The following ZNF277 variants were observed in gnomAD, a reference collection of about 807,000 sequenced individuals.
ZNF277 encodes the protein zinc finger protein 277, also known as nuclear receptor-interacting factor 4.
Under a neutral mutation model 60.7 loss-of-function variants are expected in ZNF277, and 55 were observed. The ratio of observed to expected loss-of-function variants is 0.91; its 90% CI spans 0.73 to 1.13. The LOEUF (loss-of-function observed/expected upper bound fraction) is 1.13, where lower values mean the gene tolerates loss of function less well. Ranked by LOEUF, ZNF277 falls within the 50% of genes most tolerant of loss-of-function variation. The probability of loss-of-function intolerance (pLI) is 0.00; values close to 1 mark genes in which losing one functional copy is unlikely to be tolerated. For synonymous variants in ZNF277, 178 were observed against 179.3 expected (o/e 0.99, Z 0.06); for missense variants, 510 against 523.0 (o/e 0.98, Z 0.24).
chr7:112,286,617 A>C (rs1223058309), intron 1 of ZNF277, among the ~76,000 whole-genome samples: 1 of 152,130 alleles, frequency 6.6e-6, no homozygotes, highest in Non-Finnish European at 1.5e-5. Context: ...CTGCCCTGAC[A>C]AATGGGTTTC....
intron 2 of ZNF277, chr7:112,288,765 A>G (rs1327203965): frequency 1.3e-5 from 2 of 154,240 alleles, no homozygotes; most frequent in Middle Eastern, 3.2e-3. Flanking sequence ...TTCTCAGTCA[A>G]AGAGGACAAC....
intron 1 of ZNF277, among the ~76,000 whole-genome samples, chr7:112,210,980 G>A (rs570837780): frequency 1.3e-5 from 2 of 152,296 alleles, no homozygotes; most frequent in African/African-American, 4.8e-5. Flanking sequence ...TGTGACTGAG[G>A]CTATTTCTTC....
At chr7:112,223,122 A>G (rs569406675) in intron 1 of ZNF277, among the ~76,000 whole-genome samples, 1 of 152,278 alleles carries the variant, frequency 6.6e-6, no homozygotes, top group African/African-American at 2.4e-5. Flanking sequence ...TTATATGTAT[A>G]TGTTTCATTA....
In ZNF277 at chr7:112,287,054, G is replaced by C. The variant is rs1792085975; in HGVS notation, c.273G>C (p.Lys91Asn). The change falls in exon 2 of 12, where the codon AAG becomes AAC. Residue 91 changes from lysine to asparagine, a missense_variant. By Grantham distance (94) the Lys-to-Asn change is moderately conservative. Coordinates refer to ENST00000361822, the MANE Select transcript of ZNF277 (RefSeq NM_021994.3). Reference sequence around the variant, plus strand: ...ATAAGATTGTCATAGCTGATGTCAAGTTGGTTGCTGATTTCCAAAGGTAAG... The same window carrying C: ...ATAAGATTGTCATAGCTGATGTCAACTTGGTTGCTGATTTCCAAAGGTAAG... Reference protein sequence around the residue: ...IEHKIVIADVKLVADFQRYIL... With the variant: ...IEHKIVIADVNLVADFQRYIL... The C allele has an allele frequency of 6.2e-7, 1 of 1,613,892 alleles. No homozygotes were observed. The highest frequency in any genetic ancestry group is 8.5e-7 in the Non-Finnish European group (1 of 1,179,952).
intron 1 of ZNF277, among the ~76,000 whole-genome samples, chr7:112,257,814 C>G (rs1383999420): frequency 6.6e-6 from 1 of 151,834 alleles, no homozygotes; most frequent in Non-Finnish European, 1.5e-5. Flanking sequence ...TTTTATTTTA[C>G]TTTATTTAAT....
intron 1 of ZNF277, among the ~76,000 whole-genome samples, chr7:112,256,799 G>A (rs967032920): frequency 6.6e-6 from 1 of 152,068 alleles, no homozygotes; most frequent in Admixed American, 6.5e-5. Context: ...GTGCATGCTT[G>A]AGAGGTTTAG....
chr7:112,281,734 AT>A (rs139780766), intron 1 of ZNF277, among the ~76,000 whole-genome samples: 4,245 of 152,264 alleles, frequency 0.028, 211 homozygotes, highest in African/African-American at 0.098. Context: ...TCCATTATTC[AT>A]TCTTTTATGT....
intron 4 of ZNF277, among the ~76,000 whole-genome samples, chr7:112,306,630 G>A (rs1281739471): frequency 6.6e-6 from 1 of 152,068 alleles, no homozygotes; most frequent in African/African-American, 2.4e-5. Context: ...GGGGAGCACA[G>A]TGACCAAGGG....
At chr7:112,251,347 T>C (rs1791196077) in intron 1 of ZNF277, among the ~76,000 whole-genome samples, 1 of 152,228 alleles carries the variant, frequency 6.6e-6, no homozygotes, top group South Asian at 2.1e-4. Context: ...CCAAAAAGTT[T>C]CTGCTCGTAC....
At chr7:112,291,224 T>C (rs1203075960) in intron 2 of ZNF277, among the ~76,000 whole-genome samples, 1 of 152,146 alleles carries the variant, frequency 6.6e-6, no homozygotes, top group Non-Finnish European at 1.5e-5. Context: ...CTTACCCTTT[T>C]CTATATTAAA....
intron 4 of ZNF277, among the ~76,000 whole-genome samples, chr7:112,305,659 T>A (rs1792572032): frequency 6.6e-6 from 1 of 152,030 alleles, no homozygotes; most frequent in Admixed American, 6.6e-5. Context: ...AGTCAACTGT[T>A]TTCACCAAAA....
intron 1 of ZNF277, among the ~76,000 whole-genome samples, chr7:112,258,440 A>G (rs1370126721): frequency 6.6e-6 from 1 of 151,978 alleles, no homozygotes. Context: ...GCAAAGCCAT[A>G]CAGTATTTGG....
intron 4 of ZNF277, among the ~76,000 whole-genome samples, chr7:112,317,492 T>G (rs1343316722): frequency 1.3e-5 from 2 of 151,950 alleles, no homozygotes; most frequent in Non-Finnish European, 2.9e-5. Context: ...CAGATAAGAT[T>G]TGTGAAAGTG....
intron 1 of ZNF277, among the ~76,000 whole-genome samples, chr7:112,259,898 A>G (rs977309494): frequency 6.0e-4 from 91 of 152,212 alleles, no homozygotes; most frequent in African/African-American, 2.1e-3. Flanking sequence ...ATACAAATAC[A>G]TTAGGAGAGA....
chr7:112,284,611 C>T (rs1792018989), intron 1 of ZNF277, among the ~76,000 whole-genome samples: 1 of 152,070 alleles, frequency 6.6e-6, no homozygotes, highest in Admixed American at 6.6e-5. Flanking sequence ...ATTGATAACA[C>T]CAGTTTTGTT....
intron 2 of ZNF277, among the ~76,000 whole-genome samples, chr7:112,294,041 A>G (rs965544211): frequency 1.3e-5 from 2 of 152,204 alleles, no homozygotes; most frequent in African/African-American, 4.8e-5. Context: ...TTCTGTTCTA[A>G]CATCTCTAAT....
At chr7:112,268,137 A>G (rs1238553702) in intron 1 of ZNF277, among the ~76,000 whole-genome samples, 1 of 152,154 alleles carries the variant, frequency 6.6e-6, no homozygotes, top group African/African-American at 2.4e-5. Flanking sequence ...ACTAGTGTCC[A>G]GAGAAAGTGA....
chr7:112,209,900 G>A (rs183609473), intron 1 of ZNF277, among the ~76,000 whole-genome samples: 2 of 152,182 alleles, frequency 1.3e-5, no homozygotes, highest in Admixed American at 1.3e-4. Context: ...CGCAAGGACA[G>A]AAAACCAAAC....
intron 1 of ZNF277, among the ~76,000 whole-genome samples, chr7:112,245,255 C>T (rs895005532): frequency 2.0e-5 from 3 of 152,132 alleles, no homozygotes; most frequent in Non-Finnish European, 4.4e-5. Context: ...CAGCAGTCAG[C>T]ACGTACATTG....
Sources: allele counts gnomAD v4.1 joint callset (sites outside exome capture counted in the v4.1 genomes callset), GRCh38; gene constraint gnomAD v4.1.1; transcripts MANE v1.5; gene names NCBI Gene and HGNC (gene_info 2026-07-23, HGNC 2026-07-21).